The following UNC5A variants were observed in gnomAD, a reference collection of about 807,000 sequenced individuals.
UNC5A encodes unc-5 netrin receptor A.
UNC5A carries 20 observed loss-of-function variants against 87.4 expected under a neutral mutation model. The observed-to-expected ratio is 0.23, with a 90% CI of 0.16 to 0.33. The LOEUF (loss-of-function observed/expected upper bound fraction) is 0.33. Among genes scored for constraint, UNC5A ranks in the 10% least tolerant of loss-of-function variants. UNC5A has a pLI of 1.00. For missense variants in UNC5A, 844 were observed against 1,133.4 expected, an observed-to-expected ratio of 0.74 and a Z score of 3.67; for synonymous variants, 438 against 482.3, an observed-to-expected ratio of 0.91 and a Z score of 1.20.
intron 8 of UNC5A, among the ~76,000 whole-genome samples, chr5:176,876,642 G>A (rs1248504586): frequency 6.6e-6 from 1 of 152,174 alleles, no homozygotes; most frequent in Non-Finnish European, 1.5e-5. Context: ...GGTTATTCAA[G>A]ACCCACCCCA....
At chr5:176,812,207 G>C (rs1756475759) in intron 1 of UNC5A, among the ~76,000 whole-genome samples, 1 of 152,202 alleles carries the variant, frequency 6.6e-6, no homozygotes, top group Admixed American at 6.5e-5. Context: ...TTAGGGGCGT[G>C]TGTGCAGCTC....
intron 5 of UNC5A, among the ~76,000 whole-genome samples, chr5:176,870,138 G>A (rs1758074106): frequency 6.6e-6 from 1 of 152,176 alleles, no homozygotes; most frequent in Non-Finnish European, 1.5e-5. Context: ...CTGGTGTGGA[G>A]AGAGCCAAGC....
intron 9 of UNC5A, 53 bp from the exon 10 acceptor site, chr5:176,877,482 C>G: frequency 1.9e-6 from 3 of 1,544,490 alleles, no homozygotes; most frequent in Non-Finnish European, 2.6e-6. Context: ...CCCTCAGGAC[C>G]CAGGATGGGC....
Position 176,874,015 on chromosome 5 carries a change from G to A in UNC5A, c.934G>A (p.Val312Met), listed in dbSNP as rs1044341173. 5 of 1,613,828 alleles carry A rather than the reference G, an allele frequency of 3.1e-6. No individual in the cohort carries two copies. The highest frequency in any genetic ancestry group is 1.1e-5 in the South Asian group (1 of 91,082). ...GGCCCTCTATGTGGGCCTCATCGCC[G>A]TGGCCGTCTGCCTGGTCCTGCTGCT... ...DVALYVGLIA[V>M]AVCLVLLLLV... The change falls in exon 7 of 15, where the codon GTG (valine) becomes ATG (methionine). Residue 312 changes from valine (V) to methionine (M), a missense_variant. Transcript: ENST00000329542. This position sits in a 1 kb window ranked among gnomAD's most constrained non-coding sequence, Gnocchi z 7.6.
At chr5:176,849,061 G>A (rs183899017) in intron 1 of UNC5A, among the ~76,000 whole-genome samples, 2 of 152,296 alleles carry the variant, frequency 1.3e-5, no homozygotes, top group East Asian at 1.9e-4. Context: ...GGCAGAGACT[G>A]GGAGGGCACA....
chr5:176,841,711 T>C lies in UNC5A; in HGVS notation c.71-20913T>C, dbSNP rs1401076103. ...GTCCCACTCCCAAGAGAAGTAAAGA[T>C]ATATGTCCACCAAAGACCTGTCTGT... On this transcript the variant is annotated intron_variant, in intron 1 of 14. Transcript: ENST00000329542. The surrounding 1 kb of genome is among the most constrained non-coding windows in gnomAD (Gnocchi z 4.1). 6.6e-6 allele frequency among the ~76,000 whole-genome samples: 1 copy of C among 152,196 alleles called. No homozygotes were observed. Among genetic ancestry groups the C allele is most frequent in the Non-Finnish European group, 1.5e-5 (1 of 68,034 alleles).
In UNC5A at chr5:176,838,113, C is replaced by T. The variant is rs1055285938; in HGVS notation, c.71-24511C>T. On this transcript the variant is annotated intron_variant, in intron 1 of 14. Coordinates refer to ENST00000329542, the MANE Select transcript of UNC5A (RefSeq NM_133369.3). This position sits in a 1 kb window ranked among gnomAD's most constrained non-coding sequence, Gnocchi z 4.2. ...GGCTTCCGTTGAAATTCCCGGAACT[C>T]GTTCCAGGCAAAGTGGCCCTGCAGG... 3.3e-5 allele frequency among the ~76,000 whole-genome samples: 5 copies of T among 152,160 alleles called. No homozygotes were observed. Among genetic ancestry groups the T allele is most frequent in the African/African-American group, 1.2e-4 (5 of 41,438 alleles).
chr5:176,875,248 C>T lies in UNC5A; in HGVS notation c.1378+682C>T, dbSNP rs1338213154. Among the ~76,000 whole-genome samples the T allele has an allele frequency of 6.6e-6, 1 of 152,150 alleles. No individual in the cohort carries two copies. Among genetic ancestry groups the T allele is most frequent in the Non-Finnish European group, 1.5e-5 (1 of 68,022 alleles). On this transcript the variant is annotated intron_variant, in intron 8 of 14. Transcript: ENST00000329542. This position sits in a 1 kb window ranked among gnomAD's most constrained non-coding sequence, Gnocchi z 5.2. ...ATAACTCCCACTCCCCCATCCTTAG[C>T]CTGCAGTTCTCCCGGGCGACAGAAC...
chr5:176,814,667 G>A lies in UNC5A; in HGVS notation c.70+3847G>A, dbSNP rs557660440. Among the ~76,000 whole-genome samples, 686 of 152,312 alleles carry A rather than the reference G, an allele frequency of 4.5e-3. 2 individuals carry two copies. Among genetic ancestry groups the A allele is most frequent in the Non-Finnish European group, 8.5e-3 (576 of 68,044 alleles). On this transcript the variant is annotated intron_variant, in intron 1 of 14. Transcript: ENST00000329542. ...TGAGGTATTGAGTCCTCAGCCCTGG[G>A]GCTGCCAGAAGCCTCTGACCTGAGC...
chr5:176,850,764 G>A (rs1479560566), intron 1 of UNC5A, among the ~76,000 whole-genome samples: 2 of 152,194 alleles, frequency 1.3e-5, no homozygotes, highest in African/African-American at 4.8e-5. Context: ...GCCATTGTAT[G>A]AGGAGGGGTC....
At chr5:176,868,421 C>A in intron 3 of UNC5A, 140 bp from the exon 4 acceptor site, 1 of 1,439,400 alleles carries the variant, frequency 6.9e-7, no homozygotes, top group Non-Finnish European at 9.5e-7. Flanking sequence ...GTGGACACGG[C>A]CCAGCCACCC....
rs61737680 is a variant in UNC5A, at chr5:176,878,020, G to A, written c.1762G>A (p.Ala588Thr). Residue 588 changes from alanine (A) to threonine (T), a missense_variant, in exon 11 of 15, where the codon GCT becomes ACT. Around this residue, in one of 3 missense-constraint regions of UNC5A, gnomAD observed 353 missense variants for 387.5 expected, o/e 0.91. Coordinates refer to ENST00000329542, the MANE Select transcript of UNC5A (RefSeq NM_133369.3). The part of the protein sequence containing the change: ...FALVGEALSV[A>T]AAKRLKLLLF... Reference sequence around the variant, plus strand: ...CCTGGTGGGAGAGGCCCTCAGCGTGGCTGCCGCCAAGCGCCTCAAGCTGCT... The same window carrying A: ...CCTGGTGGGAGAGGCCCTCAGCGTGACTGCCGCCAAGCGCCTCAAGCTGCT... The A allele has an allele frequency of 1.9e-6, 3 of 1,607,884 alleles. No homozygotes were observed. Among genetic ancestry groups the A allele is most frequent in the Non-Finnish European group, 1.7e-6 (2 of 1,179,938 alleles).
intron 1 of UNC5A, among the ~76,000 whole-genome samples, chr5:176,833,180 G>A (rs1217165728): frequency 6.6e-6 from 1 of 152,198 alleles, no homozygotes; most frequent in Non-Finnish European, 1.5e-5. Context: ...GTTCAAGGTG[G>A]TGCGTGTGCA....
intron 1 of UNC5A, among the ~76,000 whole-genome samples, chr5:176,816,136 T>C (rs990556427): frequency 1.3e-5 from 2 of 152,238 alleles, no homozygotes; most frequent in African/African-American, 2.4e-5. Context: ...GATGCCTATA[T>C]TGGAGCCTGG....
intron 1 of UNC5A, among the ~76,000 whole-genome samples, chr5:176,818,952 C>G (rs908901516): frequency 1.3e-5 from 2 of 152,358 alleles, no homozygotes; most frequent in African/African-American, 4.8e-5. Flanking sequence ...GCCAAAGGGA[C>G]TTGCCCGGGC....
intron 1 of UNC5A, among the ~76,000 whole-genome samples, chr5:176,817,487 T>G (rs1220928990): frequency 6.6e-6 from 1 of 151,990 alleles, no homozygotes; most frequent in Non-Finnish European, 1.5e-5. Context: ...ACTCTACCCC[T>G]CCTAATCGGG....
At position 176,875,176 on chromosome 5, in the gene UNC5A, C is replaced by T. The variant is rs984449040; in HGVS notation, c.1378+610C>T. ...AGCTCCCTCCCAGTGCCCTTCTCCC[C>T]GAGCGGCCTCGCCCACTCCATGGCT... On this transcript the variant is annotated intron_variant, in intron 8 of 14. Transcript: ENST00000329542. This position sits in a 1 kb window ranked among gnomAD's most constrained non-coding sequence, Gnocchi z 5.2. 7.2e-5 allele frequency among the ~76,000 whole-genome samples: 11 copies of T among 152,254 alleles called. No individual in the cohort carries two copies. The highest frequency in any genetic ancestry group is 2.6e-4 in the Admixed American group (4 of 15,298).
chr5:176,845,552 G>T (rs374180269), intron 1 of UNC5A, among the ~76,000 whole-genome samples: 7 of 152,350 alleles, frequency 4.6e-5, no homozygotes, highest in African/African-American at 1.7e-4. Context: ...GCAGCCCAGG[G>T]CTTGGGGCCT....
intron 1 of UNC5A, among the ~76,000 whole-genome samples, chr5:176,853,735 A>G (rs1008353603): frequency 6.6e-6 from 1 of 151,862 alleles, no homozygotes. Context: ...CCCTCTCCCC[A>G]CCTTCGTGCA....
Sources: allele counts gnomAD v4.1 joint callset (sites outside exome capture counted in the v4.1 genomes callset), GRCh38; gene constraint gnomAD v4.1.1; regional missense constraint gnomAD v4.1.1; non-coding constraint Gnocchi (gnomAD v3.1); transcripts MANE v1.5; gene names NCBI Gene and HGNC (gene_info 2026-07-23, HGNC 2026-07-21).